Variants in FLT1 observed in about 807,000 individuals in gnomAD.
The protein encoded by FLT1 is vascular endothelial growth factor receptor 1.
Under a neutral mutation model 156.3 loss-of-function variants are expected in FLT1, and 49 were observed. The ratio of observed to expected loss-of-function variants is 0.31; its 90% CI spans 0.25 to 0.40. The LOEUF is 0.40. Among genes scored for constraint, FLT1 ranks in the 10% least tolerant of loss-of-function variants. The pLI is 1.00. For missense variants in FLT1, 1,322 were observed against 1,637.2 expected, an observed-to-expected ratio of 0.81 and a Z score of 3.32; for synonymous variants, 594 against 583.8, an observed-to-expected ratio of 1.02 and a Z score of -0.25.
At chr13:28,475,391 C>T (rs1173659257) in intron 1 of FLT1, among the ~76,000 whole-genome samples, 1 of 152,100 alleles carries the variant, frequency 6.6e-6, no homozygotes, top group African/African-American at 2.4e-5. Context: ...AGTACATAAT[C>T]CTGAATGATA....
At chr13:28,315,458 A>AG (rs939978061) in intron 25 of FLT1, among the ~76,000 whole-genome samples, 4 of 152,196 alleles carry the variant, frequency 2.6e-5, no homozygotes, top group African/African-American at 9.7e-5. Flanking sequence ...CAGTAGGCTG[A>AG]GGAAAAAGAA....
At chr13:28,441,944 A>G (rs1179290865) in intron 3 of FLT1, among the ~76,000 whole-genome samples, 1 of 152,114 alleles carries the variant, frequency 6.6e-6, no homozygotes, top group Non-Finnish European at 1.5e-5. Flanking sequence ...AGCTCCATCC[A>G]TTTTTGCTTA....
chr13:28,397,750 G>A (rs1006066721), intron 11 of FLT1, among the ~76,000 whole-genome samples: 1 of 26,878 alleles, frequency 3.7e-5, no homozygotes. Flanking sequence ...GAAGGAGACC[G>A]TGTGTGTGTG....
chr13:28,311,919 T>TAA (rs555066797), intron 26 of FLT1, 74 bp downstream of exon 26: 23 of 1,043,332 alleles, frequency 2.2e-5, no homozygotes, highest in Non-Finnish European at 2.7e-5. Context: ...TAATAGCTCT[T>TAA]AAAAAAAAAA....
At chr13:28,458,879 C>A (rs1879410742) in intron 3 of FLT1, among the ~76,000 whole-genome samples, 1 of 152,170 alleles carries the variant, frequency 6.6e-6, no homozygotes, top group African/African-American at 2.4e-5. Flanking sequence ...TACTTCAGCC[C>A]TAGAAGGAGT....
chr13:28,412,307 C>CTCTTTCTTTCTTTCTTTCTT (rs958476857), intron 10 of FLT1, among the ~76,000 whole-genome samples: 2 of 53,564 alleles, frequency 3.7e-5, no homozygotes, highest in Non-Finnish European at 4.5e-5. Context: ...TTTTCTCTTT[C>CTCTTTCTTTCTTTCTTTCTT]TCTTTCTTTC....
At chr13:28,327,661 G>T in intron 19 of FLT1, 111 bp from the exon 20 acceptor site, 2 of 743,218 alleles carry the variant, frequency 2.7e-6, no homozygotes, top group South Asian at 1.4e-5. Flanking sequence ...TGTATTAGTG[G>T]GGCGAAGGGA....
intron 3 of FLT1, among the ~76,000 whole-genome samples, chr13:28,462,569 ATAT>A (rs767040312): frequency 2.0e-5 from 3 of 152,212 alleles, no homozygotes; most frequent in Admixed American, 6.5e-5. Context: ...AATGCATATC[ATAT>A]TTTCCACTAT....
rs568595485 is a variant in FLT1, at chr13:28,439,004, C to T, written c.389-659G>A. Among the ~76,000 whole-genome samples, 1 of 152,194 alleles carries T rather than the reference C, an allele frequency of 6.6e-6. No individual in the cohort carries two copies. Among genetic ancestry groups the T allele is most frequent in the Non-Finnish European group, 1.5e-5 (1 of 68,036 alleles). Reference sequence around the variant, plus strand: ...TTATTTCTTTAGTATGCGCTACTTACCTGCTAATAGCAAAGTCTGTGCAAG... The same window carrying T: ...TTATTTCTTTAGTATGCGCTACTTATCTGCTAATAGCAAAGTCTGTGCAAG... On this transcript the variant is annotated intron_variant, in intron 3 of 29. Coordinates refer to ENST00000282397, the MANE Select transcript of FLT1 (RefSeq NM_002019.4). This position sits in a 1 kb window ranked among gnomAD's most constrained non-coding sequence, Gnocchi z 4.1.
chr13:28,372,048 G>GTGTATA (rs1288888215), intron 14 of FLT1, among the ~76,000 whole-genome samples: 41 of 75,532 alleles, frequency 5.4e-4, no homozygotes, highest in East Asian at 1.0e-3. Flanking sequence ...GTGTGTGTGT[G>GTGTATA]TATATATATA....
At chr13:28,354,308 C>A (rs1419560642) in intron 15 of FLT1, among the ~76,000 whole-genome samples, 1 of 152,210 alleles carries the variant, frequency 6.6e-6, no homozygotes, top group Non-Finnish European at 1.5e-5. Context: ...GGTCCACATA[C>A]TATTAACATT....
chr13:28,425,819 T>C (rs919525068), intron 10 of FLT1, among the ~76,000 whole-genome samples: 1 of 152,180 alleles, frequency 6.6e-6, no homozygotes, highest in Non-Finnish European at 1.5e-5. Context: ...TACCCCAAAT[T>C]TGCAAAATAG....
At chr13:28,382,083 T>C (rs1185423741) in intron 14 of FLT1, among the ~76,000 whole-genome samples, 5 of 152,130 alleles carry the variant, frequency 3.3e-5, no homozygotes, top group Non-Finnish European at 7.3e-5. Flanking sequence ...AGTAGAAATA[T>C]GCATAGGTAA....
intron 25 of FLT1, among the ~76,000 whole-genome samples, chr13:28,312,629 C>T (rs1346792815): frequency 6.6e-6 from 1 of 152,174 alleles, no homozygotes; most frequent in Non-Finnish European, 1.5e-5. Context: ...AAGCATGTGG[C>T]ATTTCCAAGT....
chr13:28,360,976 G>C (rs950653719), intron 14 of FLT1, among the ~76,000 whole-genome samples: 10 of 151,900 alleles, frequency 6.6e-5, no homozygotes, highest in African/African-American at 9.7e-5. Context: ...ATTATTATTT[G>C]CCAATTAAAG....
In FLT1 at chr13:28,333,615, A is replaced by G. The variant is rs56999927; in HGVS notation, c.2593+410T>C. On this transcript the variant is annotated intron_variant, in intron 18 of 29. Transcript: ENST00000282397. Reference sequence around the variant, plus strand: ...TCAATTGTTCTAGCTTTATAGTTTTACTTTATAGTCAGGTCAAGCCCAAGC... The same window carrying G: ...TCAATTGTTCTAGCTTTATAGTTTTGCTTTATAGTCAGGTCAAGCCCAAGC... Among the ~76,000 whole-genome samples, 1,040 of 152,336 alleles carry G rather than the reference A, an allele frequency of 6.8e-3. 18 individuals are homozygous for G. Among genetic ancestry groups the G allele is most frequent in the African/African-American group, 0.024 (989 of 41,570 alleles).
rs530810991 is a variant in FLT1 at position 28,326,672 on chromosome 13, C to T, written c.2796+790G>A. On this transcript the variant is annotated intron_variant, in intron 20 of 29. Coordinates refer to ENST00000282397, the MANE Select transcript of FLT1 (RefSeq NM_002019.4). Reference sequence around the variant, plus strand: ...TCCCTAGTAGCTGGGATTACAGGCGCGGGCCACCACGCCTGGCTAATTTTT... The same window carrying T: ...TCCCTAGTAGCTGGGATTACAGGCGTGGGCCACCACGCCTGGCTAATTTTT... 1.4e-3 allele frequency among the ~76,000 whole-genome samples: 212 copies of T among 151,880 alleles called. 2 individuals are homozygous for T. The highest frequency in any genetic ancestry group is 3.9e-3 in the Admixed American group (60 of 15,248).
chr13:28,451,782 GTTCCTAAACTCGCGAT>G (rs1878957151), intron 3 of FLT1, among the ~76,000 whole-genome samples: 1 of 152,176 alleles, frequency 6.6e-6, no homozygotes, highest in South Asian at 2.1e-4. Flanking sequence ...GCACTTTCCT[GTTCCTAAACTCGCGAT>G]TTGTTATGCA....
chr13:28,399,130 G>A (rs966885541), intron 11 of FLT1: 33 of 1,542,314 alleles, frequency 2.1e-5, no homozygotes, highest in African/African-American at 4.1e-5. Context: ...TGGAAGACAG[G>A]AGAGATCGTC....
Sources: gnomAD v4.1 joint callset for allele counts (sites outside exome capture counted in the v4.1 genomes callset) on GRCh38, gnomAD v4.1.1 for gene constraint, Gnocchi (gnomAD v3.1) non-coding constraint, MANE v1.5 for transcripts, NCBI Gene and HGNC (gene_info 2026-07-23, HGNC 2026-07-21) for gene names.